Variants in SEC24B observed in about 807,000 individuals in gnomAD.
The protein encoded by SEC24B is SEC24 homolog B, COPII component.
SEC24B carries 45 observed loss-of-function variants against 142.8 expected under a neutral mutation model. That is an observed-to-expected ratio of 0.32 (90% CI 0.25 to 0.40). The LOEUF is 0.40. SEC24B is among the 10% of genes least tolerant of loss of function. The pLI is 1.00. For synonymous variants in SEC24B, 574 were observed against 568.2 expected (o/e 1.01, Z -0.15); for missense variants, 1,409 against 1,526.8 (o/e 0.92, Z 1.29).
rs1725987236 is a variant in SEC24B at position 109,539,732 on chromosome 4, CAG to C, written c.*61_*62del. The stretch of plus-strand genomic sequence containing the variant: ...ATAACCTAGGTAAAGCATAATCTGT[CAG>C]AGAAGCGCGTGAGAAATTTGAAATG... On this transcript the variant is annotated 3_prime_UTR_variant, in exon 24 of 24. Coordinates refer to ENST00000265175, the MANE Select transcript of SEC24B (RefSeq NM_006323.5). 2 of 1,129,540 alleles carry C rather than the reference CAG, an allele frequency of 1.8e-6. No homozygotes were observed. The highest frequency in any genetic ancestry group is 2.6e-6 in the Non-Finnish European group (2 of 756,682). 70.0% of individuals were successfully genotyped at this position (1,129,540 alleles called of 1,614,324 possible). A position where few individuals can be genotyped will look rare whatever the true frequency, so the allele number is the denominator to read the frequency against.
intron 1 of SEC24B, among the ~76,000 whole-genome samples, chr4:109,458,147 T>G (rs1730895886): frequency 6.6e-6 from 1 of 152,156 alleles, no homozygotes; most frequent in African/African-American, 2.4e-5. Context: ...ATCTTCAAGG[T>G]TGGTCAACTT....
chr4:109,534,444 G>A (rs571691889), intron 22 of SEC24B, among the ~76,000 whole-genome samples: 3 of 151,962 alleles, frequency 2.0e-5, no homozygotes, highest in East Asian at 3.9e-4. Flanking sequence ...AAAATTAGCC[G>A]AGCATGGTGG....
chr4:109,529,819 G>T (rs1007785145), intron 18 of SEC24B, among the ~76,000 whole-genome samples: 1 of 152,032 alleles, frequency 6.6e-6, no homozygotes, highest in Non-Finnish European at 1.5e-5. Flanking sequence ...CTGCAGCTTC[G>T]ACCTCCCAGG....
At chr4:109,437,156 G>A (rs1332913137) in intron 1 of SEC24B, among the ~76,000 whole-genome samples, 1 of 152,220 alleles carries the variant, frequency 6.6e-6, no homozygotes, top group Non-Finnish European at 1.5e-5. Flanking sequence ...GGTAGGTAGT[G>A]TCAGAATTGA....
chr4:109,466,510 A>G (rs1033831887), intron 2 of SEC24B, among the ~76,000 whole-genome samples: 7 of 152,312 alleles, frequency 4.6e-5, no homozygotes, highest in African/African-American at 1.2e-4. Context: ...TTCCAGGTTC[A>G]TGCCGTTCTC....
chr4:109,456,353 T>TTTA (rs1553995174), intron 1 of SEC24B, among the ~76,000 whole-genome samples: 4 of 148,774 alleles, frequency 2.7e-5, no homozygotes, highest in Non-Finnish European at 3.0e-5. Context: ...TTTTTTTTTT[T>TTTA]ACTCCTTTCC....
rs562780924 is a variant in SEC24B, at chr4:109,473,080, A to T, written c.954A>T (p.Leu318Phe). ...PKSSPVVSTV[L>F]SGSSGSSSTR... ...CCAGCCCAGTGGTATCCACTGTTTT[A>T]TCAGGATCCTCAGGATCCTCATCAA... Residue 318 changes from leucine to phenylalanine, a missense_variant, in exon 3 of 24, where the codon TTA (leucine) becomes TTT (phenylalanine). Transcript: ENST00000265175. 125 of 1,606,780 alleles carry T rather than the reference A, an allele frequency of 7.8e-5. No homozygotes were observed. In the South Asian group the frequency reaches 1.3e-3, roughly 17 times the overall value.
intron 2 of SEC24B, among the ~76,000 whole-genome samples, chr4:109,468,343 A>G (rs917910550): frequency 3.3e-5 from 5 of 152,064 alleles, no homozygotes; most frequent in Admixed American, 2.6e-4. Flanking sequence ...ATTTTTCTAC[A>G]TGTTCTCCCT....
At position 109,494,764 on chromosome 4, in the gene SEC24B, C is replaced by G; in HGVS notation, c.1396C>G (p.Leu466Val). 6.2e-7 allele frequency: 1 copy of G among 1,614,240 alleles called. No individual in the cohort carries two copies. The highest frequency in any genetic ancestry group is 8.5e-7 in the Non-Finnish European group (1 of 1,180,042). The change falls in exon 6 of 24, where the codon CTT becomes GTT. Residue 466 changes from leucine to valine, a missense_variant. Transcript: ENST00000265175. ...AKPFGYGYPT[L>V]QPGYQNATAP... ...GCCTTTTGGCTATGGCTATCCAACA[C>G]TTCAGCCTGGTTATCAGAATGCTAC... is the stretch of plus-strand genomic sequence containing the variant.
At chr4:109,515,295 G>A (rs571503497) in intron 10 of SEC24B, among the ~76,000 whole-genome samples, 1 of 152,136 alleles carries the variant, frequency 6.6e-6, no homozygotes, top group South Asian at 2.1e-4. Flanking sequence ...TAGAGACGGG[G>A]TTTCACCATG....
rs1579009010 is a variant in SEC24B, at chr4:109,533,668, T to C, written c.3571T>C (p.Ser1191Pro). 1.9e-6 allele frequency: 3 copies of C among 1,599,750 alleles called. No individual in the cohort carries two copies. The East Asian group carries it at 6.7e-5, about 36-fold the overall frequency. Residue 1191 changes from serine (S) to proline (P), a missense_variant, in exon 22 of 24, where the codon TCA (serine) becomes CCA (proline). Coordinates refer to ENST00000265175, the MANE Select transcript of SEC24B (RefSeq NM_006323.5). Reference protein sequence around the residue: ...EDVLGYTNFASIPQKMTHLPE... With the variant: ...EDVLGYTNFAPIPQKMTHLPE... Reference sequence around the variant, plus strand: ...TGTGCTTGGATATACTAATTTTGCATCAATACCACAGAAAATGGTCAGTAG... The same window carrying C: ...TGTGCTTGGATATACTAATTTTGCACCAATACCACAGAAAATGGTCAGTAG...
intron 22 of SEC24B, 85 bp from the exon 23 acceptor site, chr4:109,538,408 G>T: frequency 1.2e-6 from 1 of 831,886 alleles, no homozygotes. Flanking sequence ...GGCAGTTGGG[G>T]GTGATGGTAG....
At chr4:109,539,273 T>G (rs536578854) in intron 23 of SEC24B, among the ~76,000 whole-genome samples, 4 of 139,046 alleles carry the variant, frequency 2.9e-5, no homozygotes, top group African/African-American at 1.1e-4. Flanking sequence ...ATTTTAAAAA[T>G]TTTTTTTTTT....
At chr4:109,534,402 C>T (rs893685754) in intron 22 of SEC24B, among the ~76,000 whole-genome samples, 6 of 151,608 alleles carry the variant, frequency 4.0e-5, no homozygotes, top group Admixed American at 6.6e-5. Flanking sequence ...CTGGTGAACA[C>T]GGTGAAACCC....
chr4:109,494,093 TGAGA>T (rs535501309), intron 5 of SEC24B, among the ~76,000 whole-genome samples: 18 of 152,206 alleles, frequency 1.2e-4, no homozygotes, highest in Non-Finnish European at 1.9e-4. Flanking sequence ...TAGTCTCTGC[TGAGA>T]GAATTTTTTA....
At chr4:109,461,275 T>C (rs1029173768) in intron 1 of SEC24B, among the ~76,000 whole-genome samples, 2 of 152,186 alleles carry the variant, frequency 1.3e-5, no homozygotes, top group Non-Finnish European at 2.9e-5. Flanking sequence ...TGAAGCATTA[T>C]TGATGGGAGG....
intron 4 of SEC24B, among the ~76,000 whole-genome samples, chr4:109,484,288 T>G (rs1002135420): frequency 1.3e-5 from 2 of 152,236 alleles, no homozygotes; most frequent in Non-Finnish European, 2.9e-5. Flanking sequence ...TTCCTCATGA[T>G]TAGATTCAGA....
chr4:109,479,429 A>G lies in SEC24B; in HGVS notation c.1061-2248A>G, dbSNP rs965755461. On this transcript the variant is annotated intron_variant, in intron 3 of 23. Coordinates refer to ENST00000265175, the MANE Select transcript of SEC24B (RefSeq NM_006323.5). Reference sequence around the variant, plus strand: ...TATATTTGATCTGTGTATCTCATACATAGATTTTGGCTCTTAAAGAGAATC... The same window carrying G: ...TATATTTGATCTGTGTATCTCATACGTAGATTTTGGCTCTTAAAGAGAATC... 7.2e-5 allele frequency among the ~76,000 whole-genome samples: 11 copies of G among 152,194 alleles called. 1 individual carries two copies. The highest frequency in any genetic ancestry group is 2.7e-4 in the African/African-American group (11 of 41,438).
chr4:109,512,165 T>C, intron 9 of SEC24B, 82 bp downstream of exon 9: 1 of 1,260,746 alleles, frequency 7.9e-7, no homozygotes, highest in Non-Finnish European at 1.1e-6. Context: ...CTGGTTTCTC[T>C]CTTCATTGCT....
Sources: allele counts gnomAD v4.1 joint callset (sites outside exome capture counted in the v4.1 genomes callset), GRCh38; gene constraint gnomAD v4.1.1; transcripts MANE v1.5; gene names NCBI Gene and HGNC (gene_info 2026-07-23, HGNC 2026-07-21).